Variants in NKAIN2 observed in about 807,000 individuals in gnomAD.
NKAIN2 encodes sodium/potassium transporting ATPase interacting 2.
Under a neutral mutation model 32.6 loss-of-function variants are expected in NKAIN2, and 14 were observed. That is an observed-to-expected ratio of 0.43 (90% CI 0.28 to 0.67). The LOEUF (loss-of-function observed/expected upper bound fraction) is 0.67, where lower values mean the gene tolerates loss of function less well. Among genes scored for constraint, NKAIN2 ranks in the 30% least tolerant of loss-of-function variants. The probability of loss-of-function intolerance (pLI) is 0.17; values close to 1 mark genes in which losing one functional copy is unlikely to be tolerated. For synonymous variants in NKAIN2, 80 were observed against 87.2 expected (o/e 0.92, Z 0.46); for missense variants, 198 against 258.3 (o/e 0.77, Z 1.60).
intron 2 of NKAIN2, among the ~76,000 whole-genome samples, chr6:124,339,076 C>T (rs552904725): frequency 6.2e-4 from 94 of 152,260 alleles, no homozygotes; most frequent in East Asian, 2.1e-3. Flanking sequence ...GGTGCAGTGG[C>T]TCATGCCTGT....
chr6:123,901,542 C>T (rs1774586522), intron 1 of NKAIN2, among the ~76,000 whole-genome samples: 1 of 152,106 alleles, frequency 6.6e-6, no homozygotes, highest in Non-Finnish European at 1.5e-5. Flanking sequence ...TTCTAAGATT[C>T]CTGTCACTGC....
chr6:123,909,520 G>A (rs534755021), intron 1 of NKAIN2, among the ~76,000 whole-genome samples: 2 of 152,244 alleles, frequency 1.3e-5, no homozygotes, highest in South Asian at 2.1e-4. Flanking sequence ...CCTACATTCC[G>A]TCCCTTGAAG....
intron 4 of NKAIN2, among the ~76,000 whole-genome samples, chr6:124,785,910 A>G (rs2786910): frequency 0.41 from 62,756 of 151,960 alleles, 14,108 homozygotes; most frequent in Non-Finnish European, 0.49. Context: ...TGGATTACTT[A>G]CTCATGAGGC....
chr6:124,228,158 C>T (rs957427392), intron 1 of NKAIN2, among the ~76,000 whole-genome samples: 3 of 152,086 alleles, frequency 2.0e-5, no homozygotes, highest in African/African-American at 7.2e-5. Context: ...GTTTTTGGTT[C>T]CCCCAAATTC....
intron 3 of NKAIN2, among the ~76,000 whole-genome samples, chr6:124,505,944 C>T (rs1323614025): frequency 6.6e-6 from 1 of 152,054 alleles, no homozygotes; most frequent in Non-Finnish European, 1.5e-5. Context: ...GAGGCCGAGG[C>T]AGGCAGATCA....
intron 1 of NKAIN2, among the ~76,000 whole-genome samples, chr6:124,159,563 T>C (rs1226473826): frequency 6.6e-6 from 1 of 152,168 alleles, no homozygotes; most frequent in Non-Finnish European, 1.5e-5. Context: ...TAACTTACAC[T>C]AAACGTGATG....
rs553166087 is a variant in NKAIN2 at position 124,099,656 on chromosome 6, G to A, written c.55-183349G>A. Among the ~76,000 whole-genome samples the A allele has an allele frequency of 2.6e-4, 40 of 152,298 alleles. No homozygotes were observed. In the South Asian group the frequency reaches 8.1e-3, roughly 31 times the overall value. ...GCTGTGGTTCTCAGGAGGAGGTGGG[G>A]GAATGTTGCATTCCAGGAGACTTTT... On this transcript the variant is annotated intron_variant, in intron 1 of 6. Coordinates refer to ENST00000368417, the MANE Select transcript of NKAIN2 (RefSeq NM_001040214.3).
At chr6:124,475,191 G>A (rs1342191714) in intron 3 of NKAIN2, among the ~76,000 whole-genome samples, 1 of 151,982 alleles carries the variant, frequency 6.6e-6, no homozygotes, top group Admixed American at 6.6e-5. Context: ...ATAGATTTCA[G>A]TTAACATAGG....
At chr6:124,769,100 C>G (rs1207022519) in intron 4 of NKAIN2, among the ~76,000 whole-genome samples, 2 of 152,128 alleles carry the variant, frequency 1.3e-5, no homozygotes, top group African/African-American at 4.8e-5. Flanking sequence ...TCATTTAATT[C>G]AGGTCGATTT....
At chr6:124,290,936 T>G (rs1186873584) in intron 2 of NKAIN2, among the ~76,000 whole-genome samples, 1 of 152,124 alleles carries the variant, frequency 6.6e-6, no homozygotes. Flanking sequence ...TACTCCGATG[T>G]CAACTGTTTG....
intron 5 of NKAIN2, among the ~76,000 whole-genome samples, chr6:124,797,943 G>C (rs1468465592): frequency 6.6e-6 from 1 of 152,076 alleles, no homozygotes; most frequent in Non-Finnish European, 1.5e-5. Context: ...ATAATTCTGA[G>C]TTCTGATACT....
chr6:124,322,155 A>G (rs1438896449), intron 2 of NKAIN2, among the ~76,000 whole-genome samples: 2 of 152,204 alleles, frequency 1.3e-5, no homozygotes, highest in African/African-American at 2.4e-5. Context: ...AGTAGAATAT[A>G]CCTTTTTGCT....
chr6:124,095,788 G>A (rs1582633398), intron 1 of NKAIN2, among the ~76,000 whole-genome samples: 2 of 152,144 alleles, frequency 1.3e-5, no homozygotes, highest in Admixed American at 1.3e-4. Context: ...TTTTCTGTAA[G>A]CTGATTTGCA....
At chr6:124,061,723 A>T (rs1782925437) in intron 1 of NKAIN2, among the ~76,000 whole-genome samples, 1 of 151,952 alleles carries the variant, frequency 6.6e-6, no homozygotes. Context: ...AACCTTTGAC[A>T]ATAAGCCATA....
chr6:124,031,931 T>G (rs1409549161), intron 1 of NKAIN2, among the ~76,000 whole-genome samples: 1 of 152,094 alleles, frequency 6.6e-6, no homozygotes, highest in Non-Finnish European at 1.5e-5. Context: ...CCCAAAGGCT[T>G]ATAAATCATG....
chr6:124,776,479 C>G (rs1045596277), intron 4 of NKAIN2, among the ~76,000 whole-genome samples: 3 of 152,092 alleles, frequency 2.0e-5, no homozygotes, highest in Admixed American at 6.6e-5. Context: ...ACAGAAAGGT[C>G]GTGAGGAAGT....
At chr6:124,078,478 G>A (rs1783800508) in intron 1 of NKAIN2, among the ~76,000 whole-genome samples, 1 of 152,084 alleles carries the variant, frequency 6.6e-6, no homozygotes, top group African/African-American at 2.4e-5. Flanking sequence ...TTACAGATAA[G>A]GAAATTGCAA....
rs1554269590 is a variant in NKAIN2 at position 124,229,481 on chromosome 6, A to AAG, written c.55-53522_55-53521dup. Among the ~76,000 whole-genome samples, 6 of 132,214 alleles carry AAG rather than the reference A, an allele frequency of 4.5e-5. No individual in the cohort carries two copies. In the East Asian group the frequency reaches 1.2e-3, roughly 27 times the overall value. The allele number at this position is 132,214 out of a possible 152,430, so 86.7% of individuals were successfully genotyped here. On this transcript the variant is annotated intron_variant, in intron 1 of 6. Coordinates refer to ENST00000368417, the MANE Select transcript of NKAIN2 (RefSeq NM_001040214.3). ...GTTCACATATTTCCAAGTATTTTCA[A>AAG]AGATAGATAGATAGATAGACAGATA...
At chr6:123,835,822 G>A (rs542452077) in intron 1 of NKAIN2, among the ~76,000 whole-genome samples, 10 of 152,118 alleles carry the variant, frequency 6.6e-5, no homozygotes, top group African/African-American at 2.2e-4. Flanking sequence ...ACTACTTAGT[G>A]TTTTCTTCTC....
Sources: gnomAD v4.1 joint callset for allele counts (sites outside exome capture counted in the v4.1 genomes callset) on GRCh38, gnomAD v4.1.1 for gene constraint, MANE v1.5 for transcripts, NCBI Gene and HGNC (gene_info 2026-07-23, HGNC 2026-07-21) for gene names.